The following FLT1 variants were observed in gnomAD, a reference collection of about 807,000 sequenced individuals.
FLT1 encodes the protein vascular endothelial growth factor receptor 1.
In FLT1, 49 loss-of-function variants were observed where a neutral mutation model predicts 156.3. That is an observed-to-expected ratio of 0.31 (90% CI 0.25 to 0.40). The LOEUF (loss-of-function observed/expected upper bound fraction) is 0.40, where lower values mean the gene tolerates loss of function less well. FLT1 is among the 10% of genes least tolerant of loss of function. The pLI is 1.00. For missense variants in FLT1, 1,322 were observed against 1,637.2 expected, an observed-to-expected ratio of 0.81 and a Z score of 3.32; for synonymous variants, 594 against 583.8, an observed-to-expected ratio of 1.02 and a Z score of -0.25.
chr13:28,341,492 C>T (rs533826173), intron 16 of FLT1, among the ~76,000 whole-genome samples: 4 of 152,128 alleles, frequency 2.6e-5, no homozygotes, highest in African/African-American at 9.7e-5. Flanking sequence ...TGGTACTTAT[C>T]TCATAGGGTT....
chr13:28,352,107 G>A (rs1872751472), intron 15 of FLT1, among the ~76,000 whole-genome samples: 1 of 152,212 alleles, frequency 6.6e-6, no homozygotes, highest in South Asian at 2.1e-4. Flanking sequence ...ACCGTGCTGT[G>A]CTACCTTAGA....
chr13:28,308,942 G>T lies in FLT1; in HGVS notation c.3636-15C>A, dbSNP rs1163289627. ...CATTTACGTATCTAATGAAGAAACA[G>T]AAAGAATTATCAAGACAGGAAAAGG... On this transcript the variant is annotated splice_polypyrimidine_tract_variant and intron_variant, in intron 27 of 29. Coordinates refer to ENST00000282397, the MANE Select transcript of FLT1 (RefSeq NM_002019.4). The T allele has an allele frequency of 1.1e-5, 16 of 1,510,414 alleles. No homozygotes were observed. Among genetic ancestry groups the T allele is most frequent in the Non-Finnish European group, 1.5e-5 (16 of 1,085,088 alleles). The allele number at this position is 1,510,414 out of a possible 1,614,324, so 93.6% of individuals were successfully genotyped here.
intron 14 of FLT1, among the ~76,000 whole-genome samples, chr13:28,359,332 C>T (rs775399870): frequency 1.3e-5 from 2 of 152,104 alleles, no homozygotes; most frequent in African/African-American, 2.4e-5. Context: ...TGGATATCTA[C>T]ATACAGAAAA....
rs1469295578 is a variant in FLT1 at position 28,494,993 on chromosome 13, G to T, written c.-150C>A. The T allele has an allele frequency of 9.0e-6, 5 of 553,358 alleles. No homozygotes were observed. Among genetic ancestry groups the T allele is most frequent in the South Asian group, 3.0e-5 (1 of 32,898 alleles). 34.3% of individuals were successfully genotyped at this position (553,358 alleles called of 1,614,324 possible). ...CCAGCCAGGAGACAACCACTTCCCCGGGTAATCCTCGCCGCCAGGCGCCCG... is the reference window on the plus strand; with the variant it reads ...CCAGCCAGGAGACAACCACTTCCCCTGGTAATCCTCGCCGCCAGGCGCCCG... On this transcript the variant is annotated 5_prime_UTR_variant, in exon 1 of 30. Transcript: ENST00000282397.
chr13:28,372,106 G>C (rs146257140), intron 14 of FLT1, among the ~76,000 whole-genome samples: 3,514 of 58,824 alleles, frequency 0.06, 183 homozygotes, highest in Admixed American at 0.2. Flanking sequence ...TTTTGAGACA[G>C]AGTCTCGCTC....
intron 18 of FLT1, among the ~76,000 whole-genome samples, chr13:28,331,723 C>T (rs759404649): frequency 3.9e-5 from 6 of 152,222 alleles, no homozygotes; most frequent in African/African-American, 7.2e-5. Flanking sequence ...GCCATCACGC[C>T]GGGCCATGCC....
At chr13:28,453,946 G>A (rs776724089) in intron 3 of FLT1, among the ~76,000 whole-genome samples, 1 of 152,084 alleles carries the variant, frequency 6.6e-6, no homozygotes, top group Non-Finnish European at 1.5e-5. Flanking sequence ...TCCCGAGTTT[G>A]GGGGTGCCTA....
chr13:28,388,328 G>C (rs1397422463), intron 13 of FLT1: 7 of 1,058,256 alleles, frequency 6.6e-6, no homozygotes, highest in Non-Finnish European at 8.0e-6. Flanking sequence ...CCGTGGGACA[G>C]AATCTGTTAC....
intron 3 of FLT1, 78 bp downstream of exon 3, chr13:28,466,825 C>T (rs533190130): frequency 6.7e-6 from 7 of 1,038,144 alleles, no homozygotes; most frequent in Middle Eastern, 2.0e-4. Context: ...GGAAAGCAAC[C>T]TTTCCAATGG....
At position 28,469,146 on chromosome 13, in the gene FLT1, G is replaced by A. The variant is rs142965944; in HGVS notation, c.65-1529C>T. On this transcript the variant is annotated intron_variant, in intron 1 of 29. Transcript: ENST00000282397. ...GGGGCCCAGGATTAGCGTTCCTTAGGCGGGAATAGAAGTTAGCAGGAGAGA... is the reference window on the plus strand; with the variant it reads ...GGGGCCCAGGATTAGCGTTCCTTAGACGGGAATAGAAGTTAGCAGGAGAGA... 5.3e-3 allele frequency among the ~76,000 whole-genome samples: 806 copies of A among 152,288 alleles called. 8 individuals are homozygous for A. The highest frequency in any genetic ancestry group is 0.018 in the African/African-American group (751 of 41,560).
chr13:28,368,753 G>A (rs1479301177), intron 14 of FLT1: 2 of 656,316 alleles, frequency 3.0e-6, no homozygotes, highest in East Asian at 5.5e-5. Context: ...TGCCCAGGCT[G>A]GAGTGCAATG....
At position 28,413,288 on chromosome 13, in the gene FLT1, C is replaced by T. The variant is rs2137511996; in HGVS notation, c.1437-7394G>A. Among the ~76,000 whole-genome samples, 2 of 152,158 alleles carry T rather than the reference C, an allele frequency of 1.3e-5. 1 individual carries two copies. The highest frequency in any genetic ancestry group is 4.2e-4 in the South Asian group (2 of 4,808). ...GGTCCATTCACACTCAGAACATGGC[C>T]CTTCTTCCCAGCCTCTGCTTTTCCT... On this transcript the variant is annotated intron_variant, in intron 10 of 29. Coordinates refer to ENST00000282397, the MANE Select transcript of FLT1 (RefSeq NM_002019.4).
At chr13:28,354,843 T>C (rs573120263) in intron 15 of FLT1, among the ~76,000 whole-genome samples, 31 of 152,166 alleles carry the variant, frequency 2.0e-4, no homozygotes, top group African/African-American at 7.0e-4. Flanking sequence ...ATATATTATA[T>C]ATATGTGGCA....
At chr13:28,473,732 AGG>A (rs1291136666) in intron 1 of FLT1, among the ~76,000 whole-genome samples, 630 of 62,108 alleles carry the variant, frequency 0.01, 12 homozygotes, top group African/African-American at 0.026. Flanking sequence ...GAAAGAAAGA[AGG>A]AAGGAAGGAA....
In FLT1 at chr13:28,389,865, AG is replaced by A; in HGVS notation, c.1899del (p.Tyr634MetfsTer47). 6.2e-7 allele frequency: 1 copy of A among 1,613,768 alleles called. No individual in the cohort carries two copies. Among genetic ancestry groups the A allele is most frequent in the Non-Finnish European group, 8.5e-7 (1 of 1,179,656 alleles). ...IMNVSLQDSGTYACRARNVYT... is the reference protein window; with the variant it reads ...IMNVSLQDSGXYACRARNVYT... ...TATACATTCCTGGCTCTGCAGGCAT[AG>A]GTGCCTGAATCTTGCAGGGAAACAT... On this transcript the variant is annotated frameshift_variant, in exon 13 of 30. Coordinates refer to ENST00000282397, the MANE Select transcript of FLT1 (RefSeq NM_002019.4). LOFTEE classifies it high-confidence loss of function.
At chr13:28,418,425 T>C (rs1002125534) in intron 10 of FLT1, among the ~76,000 whole-genome samples, 1 of 152,182 alleles carries the variant, frequency 6.6e-6, no homozygotes, top group Non-Finnish European at 1.5e-5. Flanking sequence ...AGAGCAAACC[T>C]ACCAGGTTAG....
intron 24 of FLT1, among the ~76,000 whole-genome samples, chr13:28,317,906 C>T (rs880703): frequency 0.032 from 4,811 of 152,216 alleles, 254 homozygotes; most frequent in African/African-American, 0.11. Flanking sequence ...TTGCCTTCTC[C>T]CCACAAGTAA....
chr13:28,330,561 G>A (rs1871883734), intron 18 of FLT1, among the ~76,000 whole-genome samples: 1 of 146,244 alleles, frequency 6.8e-6, no homozygotes, highest in Non-Finnish European at 1.5e-5. Flanking sequence ...CTTTTTCTAT[G>A]CATTTATAAA....
rs528679566 is a variant in FLT1 at position 28,365,539 on chromosome 13, AT to A, written c.2117-7855del. ...GCTAATTTTTGTATTTTTAGTAGAGATGGGGTTCCACCATGTTGGCCAGGCT... is the reference window on the plus strand; with the variant it reads ...GCTAATTTTTGTATTTTTAGTAGAGAGGGGTTCCACCATGTTGGCCAGGCT... On this transcript the variant is annotated intron_variant, in intron 14 of 29. Coordinates refer to ENST00000282397, the MANE Select transcript of FLT1 (RefSeq NM_002019.4). Among the ~76,000 whole-genome samples the A allele has an allele frequency of 2.2e-4, 34 of 152,162 alleles. No individual in the cohort carries two copies. The South Asian group carries it at 7.1e-3, about 32-fold the overall frequency.
Sources: allele counts gnomAD v4.1 joint callset (sites outside exome capture counted in the v4.1 genomes callset), GRCh38; gene constraint gnomAD v4.1.1; transcripts MANE v1.5; gene names NCBI Gene and HGNC (gene_info 2026-07-23, HGNC 2026-07-21).